ATP2C1: variants seen among roughly 807,000 people sequenced by gnomAD.
ATP2C1 encodes the protein calcium-transporting ATPase type 2C member 1.
ATP2C1 carries 31 observed loss-of-function variants against 120.5 expected under a neutral mutation model. That is an observed-to-expected ratio of 0.26 (90% CI 0.19 to 0.35). ATP2C1 has a LOEUF of 0.35. Ranked by LOEUF, ATP2C1 falls within the 10% of genes least tolerant of loss-of-function variation. The probability of loss-of-function intolerance (pLI) is 1.00; values close to 1 mark genes in which losing one functional copy is unlikely to be tolerated. For synonymous variants in ATP2C1, 351 were observed against 358.7 expected (o/e 0.98, Z 0.24); for missense variants, 731 against 1,107.5 (o/e 0.66, Z 4.83).
chr3:130,936,751 A>G (rs1454047168), intron 5 of ATP2C1, among the ~76,000 whole-genome samples: 2 of 142,192 alleles, frequency 1.4e-5, no homozygotes, highest in African/African-American at 5.1e-5. Flanking sequence ...CCGGAGGCGG[A>G]GCTTGCAGTG....
chr3:130,862,389 C>T (rs574083256), intron 1 of ATP2C1, among the ~76,000 whole-genome samples: 6 of 149,932 alleles, frequency 4.0e-5, no homozygotes, highest in African/African-American at 7.4e-5. Flanking sequence ...GCATGTTGGC[C>T]AGCGTGGTCC....
At chr3:130,935,099 G>T (rs1409177093) in intron 5 of ATP2C1, among the ~76,000 whole-genome samples, 1 of 152,070 alleles carries the variant, frequency 6.6e-6, no homozygotes. Context: ...TCCCCAAAGT[G>T]TCGAAATTAC....
rs370992502 is a variant in ATP2C1 at position 130,955,071 on chromosome 3, A to G, written c.747A>G (p.Gln249=). 9 of 1,606,770 alleles carry G rather than the reference A, an allele frequency of 5.6e-6. No individual in the cohort carries two copies. Among genetic ancestry groups the G allele is most frequent in the Non-Finnish European group, 6.0e-6 (7 of 1,173,662 alleles). ...SEFGEVFKMM[Q]AEEAPKTPLQ... Reference sequence around the variant, plus strand: ...TTGGGGAGGTTTTTAAAATGATGCAAGCAGAAGAGGTGAGTACTTAATATG... The same window carrying G: ...TTGGGGAGGTTTTTAAAATGATGCAGGCAGAAGAGGTGAGTACTTAATATG... The change falls in exon 10 of 28, where the codon CAA becomes CAG. Residue 249 remains glutamine (Q), a synonymous_variant. Coordinates refer to ENST00000510168, the MANE Select transcript of ATP2C1 (RefSeq NM_001378687.1).
Position 131,001,889 on chromosome 3 carries a change from A to G in ATP2C1, c.*539A>G. 4 of 985,728 alleles carry G rather than the reference A, an allele frequency of 4.1e-6. No homozygotes were observed. The highest frequency in any genetic ancestry group is 4.8e-6 in the Non-Finnish European group (4 of 829,864). The allele number at this position is 985,728 out of a possible 1,614,324, so 61.1% of individuals were successfully genotyped here. On this transcript the variant is annotated 3_prime_UTR_variant, in exon 28 of 28. Transcript: ENST00000510168. Reference sequence around the variant, plus strand: ...ACCATGTGCTATCATTTTTGTATCAAGTTTTTTGCACAGGATGTGACCACT... The same window carrying G: ...ACCATGTGCTATCATTTTTGTATCAGGTTTTTTGCACAGGATGTGACCACT...
At chr3:130,865,184 G>A (rs1004456263) in intron 1 of ATP2C1, among the ~76,000 whole-genome samples, 1 of 152,158 alleles carries the variant, frequency 6.6e-6, no homozygotes, top group African/African-American at 2.4e-5. Flanking sequence ...GATCATTCTG[G>A]AGCTTTAAAA....
intron 1 of ATP2C1, among the ~76,000 whole-genome samples, chr3:130,871,782 A>T (rs752351407): frequency 5.9e-5 from 9 of 152,202 alleles, no homozygotes; most frequent in Non-Finnish European, 8.8e-5. Flanking sequence ...AAACTTTGGG[A>T]GGCAGAGGCC....
chr3:130,997,114 T>C (rs940846444), intron 24 of ATP2C1, among the ~76,000 whole-genome samples: 2 of 152,104 alleles, frequency 1.3e-5, no homozygotes, highest in Non-Finnish European at 1.5e-5. Flanking sequence ...ATTTCTGGGT[T>C]CAGTTTTATT....
rs1261616618 is a variant in ATP2C1, at chr3:130,894,856, C to T, written c.6+81C>T. The T allele has an allele frequency of 1.4e-6, 2 of 1,380,574 alleles. No individual in the cohort carries two copies. Among genetic ancestry groups the T allele is most frequent in the Admixed American group, 1.7e-5 (1 of 59,668 alleles). The allele number at this position is 1,380,574 out of a possible 1,614,324, so 85.5% of individuals were successfully genotyped here. Reference sequence around the variant, plus strand: ...TTTTAAGTTGTCTTTGTTTTTCCACCTTTTTATTTTCGTGAGCTTATTTAT... The same window carrying T: ...TTTTAAGTTGTCTTTGTTTTTCCACTTTTTTATTTTCGTGAGCTTATTTAT... On this transcript the variant is annotated intron_variant, in intron 2 of 27. Transcript: ENST00000510168. The surrounding 1 kb of genome is among the most constrained non-coding windows in gnomAD (Gnocchi z 4.5).
At chr3:131,006,635 TTGTGTGTGTGTG>T (rs3073260), downstream of ATP2C1, among the ~76,000 whole-genome samples, 526 of 147,200 alleles carry the variant, frequency 3.6e-3, 6 homozygotes, top group South Asian at 0.025. Context: ...TAGTGTGTGT[TTGTGTGTGTGTG>T]TGTGTGTGTG....
In ATP2C1 at chr3:130,997,658, T is replaced by C. The variant is rs754088659; in HGVS notation, c.2296T>C (p.Trp766Arg). 6 of 1,613,762 alleles carry C rather than the reference T, an allele frequency of 3.7e-6. No individual in the cohort carries two copies. Among genetic ancestry groups the C allele is most frequent in the Non-Finnish European group, 5.1e-6 (6 of 1,179,724 alleles). ...KDVIRKPPRN[W>R]KDSILTKNLI... ...TGTCATTCGTAAACCTCCTCGCAAC[T>C]GGAAAGACAGCATTTTGACTAAAAA... is the stretch of plus-strand genomic sequence containing the variant. Residue 766 changes from tryptophan (W) to arginine (R), a missense_variant, in exon 25 of 28, where the codon TGG becomes CGG. Trp to Arg is a moderately radical substitution (Grantham distance 101). This residue lies in a region of ATP2C1 where 141 missense variants were observed against 201.6 expected (regional missense o/e 0.70). Coordinates refer to ENST00000510168, the MANE Select transcript of ATP2C1 (RefSeq NM_001378687.1).
At chr3:130,987,967 C>A (rs776235192) in intron 20 of ATP2C1, among the ~76,000 whole-genome samples, 1 of 152,180 alleles carries the variant, frequency 6.6e-6, no homozygotes, top group African/African-American at 2.4e-5. Context: ...CCTACATTTT[C>A]CATTGATCCA....
At chr3:130,993,906 C>G in intron 21 of ATP2C1, 26 bp from the exon 22 acceptor site, 1 of 1,613,694 alleles carries the variant, frequency 6.2e-7, no homozygotes. Flanking sequence ...ATTCCTTCCT[C>G]TCCCCTGTCC....
intron 1 of ATP2C1, among the ~76,000 whole-genome samples, chr3:130,875,040 T>C (rs1409223484): frequency 2.0e-5 from 3 of 152,260 alleles, no homozygotes; most frequent in Non-Finnish European, 4.4e-5. Flanking sequence ...CAGAATGATA[T>C]TTTGATACAT....
intron 6 of ATP2C1, among the ~76,000 whole-genome samples, chr3:130,939,189 T>C (rs987590069): frequency 1.3e-5 from 2 of 152,204 alleles, no homozygotes; most frequent in Admixed American, 6.5e-5. Context: ...GTTGAACTTA[T>C]CATAATGCTT....
intron 1 of ATP2C1, among the ~76,000 whole-genome samples, chr3:130,864,953 G>T (rs2068120731): frequency 6.6e-6 from 1 of 152,188 alleles, no homozygotes; most frequent in South Asian, 2.1e-4. Context: ...GCCTAGTGGA[G>T]CTGTGAGAAG....
At chr3:130,960,758 C>T (rs1462298194) in intron 12 of ATP2C1, among the ~76,000 whole-genome samples, 1 of 152,042 alleles carries the variant, frequency 6.6e-6, no homozygotes, top group Non-Finnish European at 1.5e-5. Context: ...GTAAATTGGG[C>T]CTAGCCAAAG....
At chr3:130,930,204 C>A in intron 2 of ATP2C1, 1 of 555,198 alleles carries the variant, frequency 1.8e-6, no homozygotes, top group Non-Finnish European at 3.3e-6. Context: ...AGCTGGGCAC[C>A]GATGGCTTAG....
intron 19 of ATP2C1, among the ~76,000 whole-genome samples, chr3:130,980,285 TA>T (rs2061699446): frequency 6.6e-6 from 1 of 151,342 alleles, no homozygotes; most frequent in Non-Finnish European, 1.5e-5. Flanking sequence ...AGGGTCTTGC[TA>T]TATTGCCCAG....
intron 1 of ATP2C1, among the ~76,000 whole-genome samples, chr3:130,864,574 C>T (rs2107734040): frequency 6.6e-6 from 1 of 152,346 alleles, no homozygotes; most frequent in African/African-American, 2.4e-5. Flanking sequence ...CCTCCCATCA[C>T]AGGCCTGGAG....
Sources: allele counts gnomAD v4.1 joint callset (sites outside exome capture counted in the v4.1 genomes callset), GRCh38; gene constraint gnomAD v4.1.1; regional missense constraint gnomAD v4.1.1; non-coding constraint Gnocchi (gnomAD v3.1); transcripts MANE v1.5; gene names NCBI Gene and HGNC (gene_info 2026-07-23, HGNC 2026-07-21).